CEP131: variants seen among roughly 807,000 people sequenced by gnomAD.
The protein encoded by CEP131 is centrosomal protein 131, also known as centrosomal protein of 131 kDa.
Under a neutral mutation model 136.8 loss-of-function variants are expected in CEP131, and 99 were observed. That is an observed-to-expected ratio of 0.72 (90% CI 0.62 to 0.86). The LOEUF is 0.86. Among genes scored for constraint, CEP131 ranks in the 40% least tolerant of loss-of-function variants. The pLI is 0.00. For missense variants in CEP131, 1,459 were observed against 1,463.0 expected (o/e 1.00, Z 0.04); for synonymous variants, 646 against 612.7 (o/e 1.05, Z -0.80).
In CEP131 at chr17:81,198,947, G is replaced by T; in HGVS notation, c.1217C>A (p.Pro406His). The T allele has an allele frequency of 6.3e-7, 1 of 1,583,774 alleles. No individual in the cohort carries two copies. Among genetic ancestry groups the T allele is most frequent in the Non-Finnish European group, 8.6e-7 (1 of 1,166,712 alleles). Residue 406 changes from proline (P) to histidine (H), a missense_variant, in exon 11 of 26, where the codon CCC (proline) becomes CAC (histidine). This residue lies in a region of CEP131 where 1,026 missense variants were observed against 964.2 expected (regional missense o/e 1.06). Coordinates refer to ENST00000450824, the MANE Select transcript of CEP131 (RefSeq NM_014984.4). The stretch of plus-strand genomic sequence containing the variant: ...GGAGGTGGGCAGGCAGCGGTCTCCG[G>T]GGCCTGCAGCAGGGAGGCCACCACC... ...NTGGGLPAAG[P>H]GDRCLPTSDS...
At position 81,194,064 on chromosome 17, in the gene CEP131, C is replaced by A; in HGVS notation, c.2183G>T (p.Ser728Ile). ...CTGCAGCAGCTCCGCCTCGTGCAGG[C>A]TCTTGAGCCTCCGCACTTCCTGCTT... ...RHKQEVRRLKSLHEAELLQSD... is the reference protein window; with the variant it reads ...RHKQEVRRLKILHEAELLQSD... The change falls in exon 18 of 26, where the codon AGC becomes ATC. Residue 728 changes from serine (S) to isoleucine (I), a missense_variant. Coordinates refer to ENST00000450824, the MANE Select transcript of CEP131 (RefSeq NM_014984.4). The A allele has an allele frequency of 6.3e-7, 1 of 1,583,720 alleles. No homozygotes were observed. Among genetic ancestry groups the A allele is most frequent in the Non-Finnish European group, 8.6e-7 (1 of 1,165,494 alleles).
intron 13 of CEP131, 34 bp downstream of exon 13, chr17:81,197,678 A>C (rs964573074): frequency 6.3e-7 from 1 of 1,577,228 alleles, no homozygotes. Flanking sequence ...GCCTCCTCCC[A>C]CTGGGGGCCG....
In CEP131 at chr17:81,202,174, C is replaced by G. The variant is rs2061905104; in HGVS notation, c.788+66G>C. 8.2e-6 allele frequency: 5 copies of G among 611,640 alleles called. No individual in the cohort carries two copies. The Admixed American group carries it at 1.1e-4, about 13-fold the overall frequency. The allele number at this position is 611,640 out of a possible 1,614,324, so 37.9% of individuals were successfully genotyped here. A position where few individuals can be genotyped will look rare whatever the true frequency, so the allele number is the denominator to read the frequency against. On this transcript the variant is annotated intron_variant, in intron 7 of 25. Transcript: ENST00000450824. ...TCCTCGGAGGTGTGAGCCCCCCAGA[C>G]CCTGATGCCTGCCCACCTCTGTGTT...
intron 2 of CEP131, among the ~76,000 whole-genome samples, chr17:81,217,097 G>T (rs1299359504): frequency 2.6e-5 from 4 of 152,228 alleles, no homozygotes; most frequent in Non-Finnish European, 5.9e-5. Context: ...TCCCCAGTGA[G>T]CTTGTGCTCT....
chr17:81,201,456 A>G (rs2061889545), intron 7 of CEP131, among the ~76,000 whole-genome samples: 1 of 151,728 alleles, frequency 6.6e-6, no homozygotes, highest in Non-Finnish European at 1.5e-5. Flanking sequence ...CACAGCCCCC[A>G]ACAGTCATCA....
rs2061771412 is a variant in CEP131 at position 81,196,990 on chromosome 17, C to T, written c.1713G>A (p.Met571Ile). Reference protein sequence around the residue: ...ELGSEVSTSVMRLKLEVEEKK... With the variant: ...ELGSEVSTSVIRLKLEVEEKK... ...TCTCCTCCACCTCCAGCTTCAGCCG[C>T]ATCACAGACGTGCTCACCTCGGACC... Residue 571 changes from methionine (M) to isoleucine (I), a missense_variant, in exon 14 of 26, where the codon ATG (methionine) becomes ATA (isoleucine). Coordinates refer to ENST00000450824, the MANE Select transcript of CEP131 (RefSeq NM_014984.4). 2 of 1,604,812 alleles carry T rather than the reference C, an allele frequency of 1.2e-6. No individual in the cohort carries two copies. Among genetic ancestry groups the T allele is most frequent in the Non-Finnish European group, 1.7e-6 (2 of 1,175,966 alleles).
chr17:81,189,761 A>G lies in CEP131; in HGVS notation c.*8T>C. 6.3e-7 allele frequency: 1 copy of G among 1,592,034 alleles called. No homozygotes were observed. The highest frequency in any genetic ancestry group is 1.1e-5 in the South Asian group (1 of 89,306). On this transcript the variant is annotated 3_prime_UTR_variant, in exon 26 of 26. Coordinates refer to ENST00000450824, the MANE Select transcript of CEP131 (RefSeq NM_014984.4). ...TCCGTTCTTCGACAGTGTTCCCGGC[A>G]TCCCTGGTCACTTGGTACTTGGCGT...
At position 81,207,122 on chromosome 17, in the gene CEP131, T is replaced by C; in HGVS notation, c.387+3A>G. On this transcript the variant is annotated splice_donor_region_variant and intron_variant, in intron 4 of 25. Transcript: ENST00000450824. Reference sequence around the variant, plus strand: ...GGACGTGGGGCCGCATGCACCACCTTACCAGGACGTTCCAGGTGGCTCCCT... The same window carrying C: ...GGACGTGGGGCCGCATGCACCACCTCACCAGGACGTTCCAGGTGGCTCCCT... 6.2e-7 allele frequency: 1 copy of C among 1,611,184 alleles called. No homozygotes were observed. The highest frequency in any genetic ancestry group is 8.5e-7 in the Non-Finnish European group (1 of 1,179,104).
At chr17:81,217,797 G>A (rs920211937) in intron 2 of CEP131, among the ~76,000 whole-genome samples, 3 of 152,180 alleles carry the variant, frequency 2.0e-5, no homozygotes, top group Non-Finnish European at 2.9e-5. Context: ...AGGAGGGATC[G>A]ATATGAGTAG....
At position 81,197,053 on chromosome 17, in the gene CEP131, C is replaced by T. The variant is rs1284767132; in HGVS notation, c.1650G>A (p.Gly550=). 1.3e-6 allele frequency: 2 copies of T among 1,586,242 alleles called. No individual in the cohort carries two copies. The highest frequency in any genetic ancestry group is 2.3e-5 in the East Asian group (1 of 43,648). The change falls in exon 14 of 26, where the codon GGG becomes GGA. Residue 550 remains glycine (G), a splice_region_variant and synonymous_variant. Transcript: ENST00000450824. ...GQDQLDSQQE[G]WVPEAGPGPL... ...GCCCCGGCCCCGCCTCCGGCACCCA[C>T]CCCTGCAGACACAGCCGAGCGTCAG...
Position 81,203,363 on chromosome 17 carries a change from G to A in CEP131, c.629+131C>T. On this transcript the variant is annotated intron_variant, in intron 6 of 25. Coordinates refer to ENST00000450824, the MANE Select transcript of CEP131 (RefSeq NM_014984.4). The surrounding 1 kb of genome is among the most constrained non-coding windows in gnomAD (Gnocchi z 4.6). ...TGGACCCCATGCACACTGACCGCATGCCCTGACCAAGGTAGAACCCTGTGT... is the reference window on the plus strand; with the variant it reads ...TGGACCCCATGCACACTGACCGCATACCCTGACCAAGGTAGAACCCTGTGT... 1.4e-6 allele frequency: 1 copy of A among 711,656 alleles called. No individual in the cohort carries two copies. The highest frequency in any genetic ancestry group is 2.7e-5 in the East Asian group (1 of 36,580). 44.1% of individuals were successfully genotyped at this position (711,656 alleles called of 1,614,324 possible).
rs111950773 is a variant in CEP131, at chr17:81,219,711, C to T, written c.177+169G>A. 1.2e-4 allele frequency among the ~76,000 whole-genome samples: 19 copies of T among 152,294 alleles called. No homozygotes were observed. Among genetic ancestry groups the T allele is most frequent in the South Asian group, 4.1e-4 (2 of 4,824 alleles). ...TGACTTTCTAGTGATTCAGCACCCACGCCTGTAAGACTCAAGTCCTACCTG... is the reference window on the plus strand; with the variant it reads ...TGACTTTCTAGTGATTCAGCACCCATGCCTGTAAGACTCAAGTCCTACCTG... On this transcript the variant is annotated intron_variant, in intron 2 of 25. Coordinates refer to ENST00000450824, the MANE Select transcript of CEP131 (RefSeq NM_014984.4). This position sits in a 1 kb window ranked among gnomAD's most constrained non-coding sequence, Gnocchi z 4.0.
rs1476830536 is a variant in CEP131, at chr17:81,192,325, C to T, written c.2615G>A (p.Arg872Lys). The change falls in exon 21 of 26, where the codon AGG becomes AAG. Residue 872 changes from arginine (R) to lysine (K), a missense_variant. Coordinates refer to ENST00000450824, the MANE Select transcript of CEP131 (RefSeq NM_014984.4). Reference protein sequence around the residue: ...ERQAWEAGRTRKEEAWLLNRE... With the variant: ...ERQAWEAGRTKKEEAWLLNRE... The stretch of plus-strand genomic sequence containing the variant: ...GGGTGCCCAGGCCCCCACCTCCTTC[C>T]TGGTGCGGCCGGCCTCCCACGCCTG... 2.6e-6 allele frequency: 4 copies of T among 1,556,108 alleles called. No individual in the cohort carries two copies. Among genetic ancestry groups the T allele is most frequent in the Non-Finnish European group, 3.5e-6 (4 of 1,151,310 alleles).
Position 81,194,834 on chromosome 17 carries a change from C to G in CEP131, c.2119+36G>C, listed in dbSNP as rs372345143. 4 of 1,566,786 alleles carry G rather than the reference C, an allele frequency of 2.6e-6. No individual in the cohort carries two copies. The African/African-American group carries it at 5.4e-5, about 21-fold the overall frequency. ...AGAAGCCCTGGCCGCAGCACCCACC[C>G]CACACCTGGCCGGCTCATGGGAGGG... is the stretch of plus-strand genomic sequence containing the variant. On this transcript the variant is annotated intron_variant, in intron 17 of 25. Transcript: ENST00000450824.
At position 81,189,640 on chromosome 17, in the gene CEP131, G is replaced by A. The variant is rs2061595010; in HGVS notation, c.*129C>T. The A allele has an allele frequency of 2.4e-5, 22 of 906,630 alleles. No homozygotes were observed. Among genetic ancestry groups the A allele is most frequent in the Non-Finnish European group, 3.7e-5 (22 of 598,274 alleles). The allele number at this position is 906,630 out of a possible 1,614,324, so 56.2% of individuals were successfully genotyped here. A position where few individuals can be genotyped will look rare whatever the true frequency, so the allele number is the denominator to read the frequency against. On this transcript the variant is annotated 3_prime_UTR_variant, in exon 26 of 26. Coordinates refer to ENST00000450824, the MANE Select transcript of CEP131 (RefSeq NM_014984.4). ...TTACTGTTAAAATGCAGCCACAGGTGCTTAGCCGTGGGCATCTCAACCACC... is the reference window on the plus strand; with the variant it reads ...TTACTGTTAAAATGCAGCCACAGGTACTTAGCCGTGGGCATCTCAACCACC...
Position 81,207,142 on chromosome 17 carries a change from C to T in CEP131, c.370G>A (p.Ala124Thr). ...CACCTTACCAGGACGTTCCAGGTGG[C>T]TCCCTTCTCGCTGGGGGCTGTGCTC... ...SLSTAPSEKG[A>T]TWNVLDDQPR... The change falls in exon 4 of 26, where the codon GCC (alanine) becomes ACC (threonine). Residue 124 changes from alanine (A) to threonine (T), a missense_variant. Ala to Thr is a moderately conservative substitution (Grantham distance 58). Coordinates refer to ENST00000450824, the MANE Select transcript of CEP131 (RefSeq NM_014984.4). 1.2e-6 allele frequency: 2 copies of T among 1,612,946 alleles called. No individual in the cohort carries two copies. The highest frequency in any genetic ancestry group is 1.7e-6 in the Non-Finnish European group (2 of 1,179,744).
Position 81,191,269 on chromosome 17 carries a change from T to C in CEP131, c.2689A>G (p.Ile897Val), listed in dbSNP as rs1220852730. ...TCCAGCCGGTGAATGACCAGCTCAA[T>C]CTCCTTGTCCCGGCCTTTCCGGATT... ...EEIRKGRDKEIELVIHRLEAD... is the reference protein window; with the variant it reads ...EEIRKGRDKEVELVIHRLEAD... Residue 897 changes from isoleucine (I) to valine (V), a missense_variant, in exon 22 of 26, where the codon ATT becomes GTT. Ile to Val is a conservative substitution (Grantham distance 29, BLOSUM62 3). Transcript: ENST00000450824. The C allele has an allele frequency of 3.1e-6, 5 of 1,613,366 alleles. No homozygotes were observed. Among genetic ancestry groups the C allele is most frequent in the Admixed American group, 1.7e-5 (1 of 59,996 alleles).
chr17:81,198,405 G>T (rs907098848), intron 11 of CEP131, 108 bp from the exon 12 acceptor site: 2 of 1,167,768 alleles, frequency 1.7e-6, no homozygotes, highest in African/African-American at 1.6e-5. Flanking sequence ...GAGCTCCCCA[G>T]TCCCGACATT....
At position 81,203,354 on chromosome 17, in the gene CEP131, T is replaced by A. The variant is rs568139374; in HGVS notation, c.629+140A>T. 1.5e-6 allele frequency: 1 copy of A among 666,848 alleles called. No individual in the cohort carries two copies. Among genetic ancestry groups the A allele is most frequent in the African/African-American group, 1.8e-5 (1 of 55,872 alleles). 41.3% of individuals were successfully genotyped at this position (666,848 alleles called of 1,614,324 possible). On this transcript the variant is annotated intron_variant, in intron 6 of 25. Transcript: ENST00000450824. This position sits in a 1 kb window ranked among gnomAD's most constrained non-coding sequence, Gnocchi z 4.6. ...GACCGAGGTTGGACCCCATGCACACTGACCGCATGCCCTGACCAAGGTAGA... is the reference window on the plus strand; with the variant it reads ...GACCGAGGTTGGACCCCATGCACACAGACCGCATGCCCTGACCAAGGTAGA...
Sources: allele counts gnomAD v4.1 joint callset (sites outside exome capture counted in the v4.1 genomes callset), GRCh38; gene constraint gnomAD v4.1.1; regional missense constraint gnomAD v4.1.1; non-coding constraint Gnocchi (gnomAD v3.1); transcripts MANE v1.5; gene names NCBI Gene and HGNC (gene_info 2026-07-23, HGNC 2026-07-21).